Variants in TFDP2 observed in about 807,000 individuals in gnomAD.
TFDP2 encodes the protein transcription factor Dp-2 (E2F dimerization partner 2).
Under a neutral mutation model 59.3 loss-of-function variants are expected in TFDP2, and 17 were observed. The ratio of observed to expected loss-of-function variants is 0.29; its 90% CI spans 0.20 to 0.43. The LOEUF (loss-of-function observed/expected upper bound fraction) is 0.43. TFDP2 is among the 20% of genes least tolerant of loss of function. The probability of loss-of-function intolerance (pLI) is 1.00; values close to 1 mark genes in which losing one functional copy is unlikely to be tolerated. For synonymous variants in TFDP2, 180 were observed against 194.7 expected, an observed-to-expected ratio of 0.92 and a Z score of 0.63; for missense variants, 391 against 528.8, an observed-to-expected ratio of 0.74 and a Z score of 2.56.
intron 3 of TFDP2, chr3:142,044,033 C>T: frequency 1.5e-6 from 1 of 668,260 alleles, no homozygotes; most frequent in Non-Finnish European, 2.8e-6. Flanking sequence ...AATGGACTGT[C>T]AACAGGCTTG....
intron 9 of TFDP2, among the ~76,000 whole-genome samples, chr3:141,964,318 T>C (rs1472555072): frequency 2.0e-5 from 3 of 152,128 alleles, no homozygotes; most frequent in Non-Finnish European, 2.9e-5. Flanking sequence ...CCCAGGGATA[T>C]GCAAACATTT....
chr3:142,081,008 A>G (rs892206155), intron 3 of TFDP2, among the ~76,000 whole-genome samples: 4 of 152,198 alleles, frequency 2.6e-5, no homozygotes, highest in African/African-American at 9.7e-5. Context: ...TTTACAAAAC[A>G]TTTCATCCAA....
intron 3 of TFDP2, among the ~76,000 whole-genome samples, chr3:142,049,514 AC>A (rs1388074574): frequency 2.0e-5 from 3 of 152,364 alleles, no homozygotes; most frequent in Non-Finnish European, 1.5e-5. Flanking sequence ...TAAAAATCAT[AC>A]TTATGGTAAA....
At chr3:142,065,839 C>A (rs2060059632) in intron 3 of TFDP2, among the ~76,000 whole-genome samples, 2 of 151,766 alleles carry the variant, frequency 1.3e-5, no homozygotes, top group African/African-American at 4.8e-5. Context: ...ATTGCTTATA[C>A]CTATTACTCA....
At chr3:141,987,292 TG>T (rs752620302) in intron 6 of TFDP2, among the ~76,000 whole-genome samples, 4,675 of 151,392 alleles carry the variant, frequency 0.031, 89 homozygotes, top group East Asian at 0.065. Flanking sequence ...TGTGTGTGTG[TG>T]TGTGTTTTAG....
intron 3 of TFDP2, among the ~76,000 whole-genome samples, chr3:142,074,317 G>A (rs1224784129): frequency 6.6e-6 from 1 of 152,058 alleles, no homozygotes; most frequent in African/African-American, 2.4e-5. Context: ...GCTGAGGCAG[G>A]AGAATCACTT....
Position 141,944,473 on chromosome 3 carries a change from T to C in TFDP2, c.*8040A>G, listed in dbSNP as rs1935033859. 6.6e-6 allele frequency: 1 copy of C among 152,226 alleles called. No homozygotes were observed. The highest frequency in any genetic ancestry group is 1.5e-5 in the Non-Finnish European group (1 of 68,044). The allele number at this position is 152,226 out of a possible 1,614,324, so 9.4% of individuals were successfully genotyped here. A position where few individuals can be genotyped will look rare whatever the true frequency, so the allele number is the denominator to read the frequency against. On this transcript the variant is annotated 3_prime_UTR_variant, in exon 13 of 13. Coordinates refer to ENST00000489671, the MANE Select transcript of TFDP2 (RefSeq NM_001178139.2). ...TTTTCTATAATACATTTCATTCAAATCATAAAAGTCTGATACATTTTTTTC... is the reference window on the plus strand; with the variant it reads ...TTTTCTATAATACATTTCATTCAAACCATAAAAGTCTGATACATTTTTTTC...
At chr3:142,143,769 G>A (rs2063048247) in intron 1 of TFDP2, among the ~76,000 whole-genome samples, 1 of 152,228 alleles carries the variant, frequency 6.6e-6, no homozygotes, top group Non-Finnish European at 1.5e-5. Flanking sequence ...TGGTGGGGAT[G>A]TGCAGAGAAG....
chr3:142,100,853 A>T (rs1430580355), intron 2 of TFDP2, among the ~76,000 whole-genome samples: 1 of 152,192 alleles, frequency 6.6e-6, no homozygotes, highest in Non-Finnish European at 1.5e-5. Flanking sequence ...AGAGATGAGA[A>T]ATGAAAACCA....
rs1179311247 is a variant in TFDP2, at chr3:141,950,227, CA to C, written c.*2285del. On this transcript the variant is annotated 3_prime_UTR_variant, in exon 13 of 13. Transcript: ENST00000489671. ...AGAGAATTGACCTTTCTGAACAGCT[CA>C]ACCTAGTTTCTAAAGGCAAGATTTT... The C allele has an allele frequency of 6.6e-6, 1 of 152,126 alleles. No homozygotes were observed. The highest frequency in any genetic ancestry group is 1.5e-5 in the Non-Finnish European group (1 of 68,040). 9.4% of individuals were successfully genotyped at this position (152,126 alleles called of 1,614,324 possible). A position where few individuals can be genotyped will look rare whatever the true frequency, so the allele number is the denominator to read the frequency against.
intron 3 of TFDP2, among the ~76,000 whole-genome samples, chr3:142,045,154 C>CTTTT (rs566115352): frequency 2.5e-4 from 34 of 137,764 alleles, no homozygotes; most frequent in Non-Finnish European, 4.3e-4. Context: ...AATCTCTTTC[C>CTTTT]TTTTTTTTTT....
intron 3 of TFDP2, among the ~76,000 whole-genome samples, chr3:142,035,446 C>G (rs990159323): frequency 1.3e-5 from 2 of 152,162 alleles, no homozygotes; most frequent in African/African-American, 4.8e-5. Flanking sequence ...TTGACTGTCT[C>G]CCCCATCTAA....
intron 4 of TFDP2, among the ~76,000 whole-genome samples, chr3:142,003,430 T>G (rs143060809): frequency 6.6e-6 from 1 of 152,106 alleles, no homozygotes; most frequent in African/African-American, 2.4e-5. Context: ...ACACCCAGCC[T>G]CAACTTCTTT....
rs2062064376 is a variant in TFDP2 at position 142,121,979 on chromosome 3, A to G, written c.-92-20138T>C. On this transcript the variant is annotated intron_variant, in intron 1 of 12. Coordinates refer to ENST00000489671, the MANE Select transcript of TFDP2 (RefSeq NM_001178139.2). This position sits in a 1 kb window ranked among gnomAD's most constrained non-coding sequence, Gnocchi z 4.3. Reference sequence around the variant, plus strand: ...ATTAAGACCTCAGAGAACAAGTTCAACCATGCCAACTTTCCCTCTGGTTAA... The same window carrying G: ...ATTAAGACCTCAGAGAACAAGTTCAGCCATGCCAACTTTCCCTCTGGTTAA... 6.6e-6 allele frequency among the ~76,000 whole-genome samples: 1 copy of G among 152,242 alleles called. No homozygotes were observed. Among genetic ancestry groups the G allele is most frequent in the Non-Finnish European group, 1.5e-5 (1 of 68,046 alleles).
chr3:141,986,890 T>C (rs1942161132), intron 6 of TFDP2, among the ~76,000 whole-genome samples: 1 of 152,218 alleles, frequency 6.6e-6, no homozygotes, highest in South Asian at 2.1e-4. Flanking sequence ...ATTTTTCTAA[T>C]GATTAATGCT....
At chr3:142,080,872 C>T (rs754696651) in intron 3 of TFDP2, among the ~76,000 whole-genome samples, 2 of 152,094 alleles carry the variant, frequency 1.3e-5, no homozygotes, top group Non-Finnish European at 2.9e-5. Context: ...GATAAACCCC[C>T]AATACAATAA....
chr3:142,010,688 C>T (rs1944601311), intron 3 of TFDP2, among the ~76,000 whole-genome samples: 1 of 150,538 alleles, frequency 6.6e-6, no homozygotes, highest in Non-Finnish European at 1.5e-5. Context: ...GCAACCTACT[C>T]GTCTGACAAA....
chr3:142,117,723 G>C (rs1435477452), intron 1 of TFDP2, among the ~76,000 whole-genome samples: 4 of 152,266 alleles, frequency 2.6e-5, no homozygotes, highest in African/African-American at 9.6e-5. Context: ...CAGTGCTTCT[G>C]GGGGAGAACC....
chr3:142,034,090 C>CTT (rs34769821), intron 3 of TFDP2, among the ~76,000 whole-genome samples: 16 of 93,754 alleles, frequency 1.7e-4, no homozygotes, highest in Admixed American at 5.3e-4. Context: ...TTTGCACCAA[C>CTT]TTTTTTTTTT....
Sources: allele counts gnomAD v4.1 joint callset (sites outside exome capture counted in the v4.1 genomes callset), GRCh38; gene constraint gnomAD v4.1.1; non-coding constraint Gnocchi (gnomAD v3.1); transcripts MANE v1.5; gene names NCBI Gene and HGNC (gene_info 2026-07-23, HGNC 2026-07-21).